Variants in NHEJ1 observed in about 807,000 individuals in gnomAD.
NHEJ1 encodes non-homologous end joining factor 1.
In NHEJ1, 22 loss-of-function variants were observed where a neutral mutation model predicts 39.4. The ratio of observed to expected loss-of-function variants is 0.56; its 90% confidence interval spans 0.40 to 0.80. The LOEUF (loss-of-function observed/expected upper bound fraction) is 0.80. NHEJ1 is among the 30% of genes least tolerant of loss of function. NHEJ1 has a pLI of 0.00. For missense variants in NHEJ1, 329 were observed against 357.1 expected (o/e 0.92, Z 0.63); for synonymous variants, 154 against 135.6 (o/e 1.14, Z -0.94).
rs866913520 is a variant in NHEJ1, at chr2:219,157,999, A to T, written c.177+187T>A. ...CTCTCTCTCTCTCTCTCTCACACACACACACACACACACACACACACACAC... is the reference window on the plus strand; with the variant it reads ...CTCTCTCTCTCTCTCTCTCACACACTCACACACACACACACACACACACAC... On this transcript the variant is annotated intron_variant, in intron 2 of 7. Coordinates refer to ENST00000356853, the MANE Select transcript of NHEJ1 (RefSeq NM_024782.3). Among the ~76,000 whole-genome samples, 5,012 of 112,896 alleles carry T rather than the reference A, an allele frequency of 0.044. 104 individuals carry two copies. The highest frequency in any genetic ancestry group is 0.093 in the African/African-American group (2,939 of 31,644). The allele number at this position is 112,896 out of a possible 152,430, so 74.1% of individuals were successfully genotyped here.
At chr2:219,109,840 A>T (rs1055654519) in intron 5 of NHEJ1, among the ~76,000 whole-genome samples, 1 of 152,216 alleles carries the variant, frequency 6.6e-6, no homozygotes, top group Admixed American at 6.5e-5. Context: ...CACCTAACAC[A>T]TAAAAGGCAT....
Position 219,076,043 on chromosome 2 carries a change from C to G in NHEJ1, c.*338G>C. ...CTGAGGAGTATCTGGGGCTGGCTGG[C>G]TAGAGACGCTAGGGAAAGGTAGACA... On this transcript the variant is annotated 3_prime_UTR_variant, in exon 8 of 8. Coordinates refer to ENST00000356853, the MANE Select transcript of NHEJ1 (RefSeq NM_024782.3). The G allele has an allele frequency of 2.1e-6, 1 of 479,626 alleles. No homozygotes were observed. The highest frequency in any genetic ancestry group is 3.7e-6 in the Non-Finnish European group (1 of 270,510). The allele number at this position is 479,626 out of a possible 1,614,324, so 29.7% of individuals were successfully genotyped here. A position where few individuals can be genotyped will look rare whatever the true frequency, so the allele number is the denominator to read the frequency against.
chr2:219,105,000 G>C (rs1949301103), intron 5 of NHEJ1, among the ~76,000 whole-genome samples: 1 of 152,236 alleles, frequency 6.6e-6, no homozygotes. Context: ...TGTATCACAG[G>C]AACTCAGGGA....
intron 6 of NHEJ1, 21 bp downstream of exon 6, chr2:219,078,068 G>C (rs762980416): frequency 1.9e-6 from 3 of 1,538,766 alleles, no homozygotes; most frequent in East Asian, 2.2e-5. Context: ...CACACAGACC[G>C]GGTACCTCTG....
At chr2:219,133,817 A>G (rs1949600199) in intron 5 of NHEJ1, among the ~76,000 whole-genome samples, 1 of 152,196 alleles carries the variant, frequency 6.6e-6, no homozygotes, top group Non-Finnish European at 1.5e-5. Flanking sequence ...TCTTCAAAAT[A>G]TCACCCATCC....
chr2:219,103,515 A>G (rs1949286534), intron 5 of NHEJ1, among the ~76,000 whole-genome samples: 1 of 152,092 alleles, frequency 6.6e-6, no homozygotes. Context: ...ACCTCAAGTG[A>G]TCCGTCCGCC....
intron 5 of NHEJ1, among the ~76,000 whole-genome samples, chr2:219,114,351 T>C (rs1421066071): frequency 6.6e-6 from 1 of 152,158 alleles, no homozygotes; most frequent in Non-Finnish European, 1.5e-5. Context: ...GATCTCATAA[T>C]CTCTCCTAGC....
In NHEJ1 at chr2:219,069,696, CA is replaced by C. The variant is rs1424985813; in HGVS notation, c.*6684del. On this transcript the variant is annotated 3_prime_UTR_variant, in exon 8 of 8. Coordinates refer to ENST00000356853, the MANE Select transcript of NHEJ1 (RefSeq NM_024782.3). ...GATCTAAAGATGACGGAAAACATTT[CA>C]ACAGTTAAACCACTTAGATAACTAA... 1 of 152,064 alleles carries C rather than the reference CA, an allele frequency of 6.6e-6. No individual in the cohort carries two copies. Among genetic ancestry groups the C allele is most frequent in the East Asian group, 1.9e-4 (1 of 5,196 alleles). 9.4% of individuals were successfully genotyped at this position (152,064 alleles called of 1,614,324 possible).
intron 5 of NHEJ1, among the ~76,000 whole-genome samples, chr2:219,092,577 T>G (rs1005497180): frequency 5.9e-5 from 9 of 152,234 alleles, no homozygotes; most frequent in Admixed American, 3.9e-4. Flanking sequence ...CATTTACAAT[T>G]GAAGGAAATG....
chr2:219,151,626 C>A (rs1283709258), intron 3 of NHEJ1, among the ~76,000 whole-genome samples: 1 of 152,036 alleles, frequency 6.6e-6, no homozygotes, highest in African/African-American at 2.4e-5. Context: ...TCTCTTAGAC[C>A]AGATAGCCTT....
chr2:219,117,853 G>C (rs1949430572), intron 5 of NHEJ1, among the ~76,000 whole-genome samples: 1 of 152,190 alleles, frequency 6.6e-6, no homozygotes, highest in African/African-American at 2.4e-5. Flanking sequence ...TTAACGATAA[G>C]ATTTATAGCC....
At chr2:219,099,975 T>C (rs1174512910) in intron 5 of NHEJ1, among the ~76,000 whole-genome samples, 1 of 152,060 alleles carries the variant, frequency 6.6e-6, no homozygotes, top group African/African-American at 2.4e-5. Flanking sequence ...CTGAAACTGG[T>C]AGGTGGCATC....
chr2:219,133,406 C>T (rs866988047), intron 5 of NHEJ1, among the ~76,000 whole-genome samples: 2 of 152,346 alleles, frequency 1.3e-5, no homozygotes, highest in Middle Eastern at 3.4e-3. Flanking sequence ...TCTCATGACA[C>T]GACCTTTAAA....
At chr2:219,083,226 A>G (rs1398689700) in intron 5 of NHEJ1, among the ~76,000 whole-genome samples, 1 of 152,200 alleles carries the variant, frequency 6.6e-6, no homozygotes, top group Non-Finnish European at 1.5e-5. Flanking sequence ...ATAGCTAATT[A>G]AAATGTATAC....
chr2:219,137,581 A>C (rs1388268909), intron 5 of NHEJ1, among the ~76,000 whole-genome samples: 1 of 141,246 alleles, frequency 7.1e-6, no homozygotes, highest in Non-Finnish European at 1.6e-5. Context: ...AAAAAAAAAA[A>C]AAAAAAAAAA....
In NHEJ1 at chr2:219,073,777, G is replaced by A. The variant is rs550848992; in HGVS notation, c.*2604C>T. Among the ~76,000 whole-genome samples, 5 of 152,322 alleles carry A rather than the reference G, an allele frequency of 3.3e-5. No individual in the cohort carries two copies. The highest frequency in any genetic ancestry group is 7.3e-5 in the Non-Finnish European group (5 of 68,028). ...CCAGCCCCAGCCCCGGGGAGCGGGCGGGTAGGCGGGGAGGTGGGCCACTGC... is the reference window on the plus strand; with the variant it reads ...CCAGCCCCAGCCCCGGGGAGCGGGCAGGTAGGCGGGGAGGTGGGCCACTGC... On this transcript the variant is annotated 3_prime_UTR_variant, in exon 8 of 8. Coordinates refer to ENST00000356853, the MANE Select transcript of NHEJ1 (RefSeq NM_024782.3).
rs1948984948 is a variant in NHEJ1 at position 219,073,616 on chromosome 2, A to G, written c.*2765T>C. ...TCTACTTTTTAGGTCAAGTTCCTGC[A>G]GGAACTTCCTCGAGGTCCCAAGTCC... On this transcript the variant is annotated 3_prime_UTR_variant, in exon 8 of 8. Transcript: ENST00000356853. 6.6e-6 allele frequency among the ~76,000 whole-genome samples: 1 copy of G among 152,226 alleles called. No homozygotes were observed.
rs1195476370 is a variant in NHEJ1 at position 219,103,026 on chromosome 2, A to AC, written c.589-24821_589-24820insG. 9.9e-5 allele frequency among the ~76,000 whole-genome samples: 14 copies of AC among 141,650 alleles called. No homozygotes were observed. The East Asian group carries it at 2.8e-3, about 28-fold the overall frequency. The allele number at this position is 141,650 out of a possible 152,430, so 92.9% of individuals were successfully genotyped here. ...TCTCAAAAAAAAAAAAAAAAAAAAA[A>AC]AAAAATTAGCCAGGCGTGGTGGTGG... On this transcript the variant is annotated intron_variant, in intron 5 of 7. Transcript: ENST00000356853.
chr2:219,146,628 C>G (rs1949743523), intron 5 of NHEJ1, 52 bp downstream of exon 5: 1 of 1,448,902 alleles, frequency 6.9e-7, no homozygotes, highest in Non-Finnish European at 9.7e-7. Context: ...ACTCAGGCAC[C>G]TGGAAAGAGG....
Sources: allele counts gnomAD v4.1 joint callset (sites outside exome capture counted in the v4.1 genomes callset), GRCh38; gene constraint gnomAD v4.1.1; transcripts MANE v1.5; gene names NCBI Gene and HGNC (gene_info 2026-07-23, HGNC 2026-07-21).